Variants in RIN3 observed in about 807,000 individuals in gnomAD.
The protein encoded by RIN3 is Ras and Rab interactor 3.
RIN3 carries 54 observed loss-of-function variants against 76.3 expected under a neutral mutation model. That is an observed-to-expected ratio of 0.71 (90% CI 0.57 to 0.89). The LOEUF (loss-of-function observed/expected upper bound fraction) is 0.89. Among genes scored for constraint, RIN3 ranks in the 40% least tolerant of loss-of-function variants. The pLI is 0.00. For missense variants in RIN3, 1,256 were observed against 1,322.1 expected, an observed-to-expected ratio of 0.95 and a Z score of 0.78; for synonymous variants, 576 against 564.0, an observed-to-expected ratio of 1.02 and a Z score of -0.30.
At chr14:92,573,494 G>C (rs1046548393) in intron 2 of RIN3, among the ~76,000 whole-genome samples, 2 of 122 alleles carry the variant, frequency 0.016, no homozygotes, top group Non-Finnish European at 0.031. Context: ...GGTCACACGG[G>C]GGGCCGAAGT....
chr14:92,515,307 A>G (rs1192050887), intron 1 of RIN3: 1 of 694,956 alleles, frequency 1.4e-6, no homozygotes, highest in African/African-American at 1.8e-5. Flanking sequence ...CACACCCAAG[A>G]TGGCAGGGTG....
chr14:92,629,393 G>A (rs1284921521), intron 4 of RIN3, among the ~76,000 whole-genome samples: 1 of 152,200 alleles, frequency 6.6e-6, no homozygotes, highest in Non-Finnish European at 1.5e-5. Flanking sequence ...CACAGTGTGG[G>A]AGCAGGCCCA....
At chr14:92,607,569 ACT>A (rs1389493646) in intron 3 of RIN3, among the ~76,000 whole-genome samples, 2 of 152,196 alleles carry the variant, frequency 1.3e-5, no homozygotes, top group Non-Finnish European at 2.9e-5. Context: ...TGATGGCACT[ACT>A]GCACTCCAGC....
At chr14:92,563,633 A>G (rs972216901) in intron 2 of RIN3, among the ~76,000 whole-genome samples, 2 of 151,980 alleles carry the variant, frequency 1.3e-5, no homozygotes, top group African/African-American at 4.8e-5. Flanking sequence ...AAAGCTTTAA[A>G]AAAAACAGTG....
At chr14:92,587,150 T>C (rs1884807144) in intron 3 of RIN3, among the ~76,000 whole-genome samples, 2 of 152,216 alleles carry the variant, frequency 1.3e-5, no homozygotes, top group African/African-American at 4.8e-5. Flanking sequence ...GCAAAGGTTT[T>C]GAGCAGGAAG....
intron 1 of RIN3, among the ~76,000 whole-genome samples, chr14:92,520,397 A>G (rs374456361): frequency 2.3e-4 from 35 of 152,276 alleles, no homozygotes; most frequent in African/African-American, 7.9e-4. Flanking sequence ...CTTTGAGCCC[A>G]TCCTCGAGGG....
At position 92,651,885 on chromosome 14, in the gene RIN3, G is replaced by GCCCCCCCCCCCC; in HGVS notation, c.839_840insCCCCCCCCCCCC (p.Pro282_Pro285dup). The GCCCCCCCCCCCC allele has an allele frequency of 1.4e-6, 2 of 1,411,020 alleles. No homozygotes were observed. Among genetic ancestry groups the GCCCCCCCCCCCC allele is most frequent in the South Asian group, 1.2e-5 (1 of 80,126 alleles). The allele number at this position is 1,411,020 out of a possible 1,614,324, so 87.4% of individuals were successfully genotyped here. A position where few individuals can be genotyped will look rare whatever the true frequency, so the allele number is the denominator to read the frequency against. ...CCCACCTCCAGGTGGGCCCCACGCC[G>GCCCCCCCCCCCC]CCCACCACCCCCTCCCCCAGTGCTG... On this transcript the variant is annotated inframe_insertion, in exon 6 of 10. Coordinates refer to ENST00000216487, the MANE Select transcript of RIN3 (RefSeq NM_024832.5).
At chr14:92,633,923 A>G (rs1008305515) in intron 4 of RIN3, among the ~76,000 whole-genome samples, 2 of 151,880 alleles carry the variant, frequency 1.3e-5, no homozygotes, top group African/African-American at 4.8e-5. Flanking sequence ...TCATGATGTC[A>G]AAAGTATTTC....
intron 2 of RIN3, among the ~76,000 whole-genome samples, chr14:92,567,396 T>C (rs1018056876): frequency 3.3e-5 from 5 of 152,224 alleles, no homozygotes; most frequent in African/African-American, 1.2e-4. Flanking sequence ...TGGTCTTTTC[T>C]GGGGTCAGTC....
chr14:92,675,874 G>C (rs1457861429), intron 7 of RIN3, among the ~76,000 whole-genome samples: 1 of 152,188 alleles, frequency 6.6e-6, no homozygotes, highest in Non-Finnish European at 1.5e-5. Context: ...GTCTGTTGCT[G>C]TCAGGATGCT....
chr14:92,555,133 A>G (rs907252507), intron 1 of RIN3, among the ~76,000 whole-genome samples: 1 of 152,176 alleles, frequency 6.6e-6, no homozygotes, highest in Non-Finnish European at 1.5e-5. Flanking sequence ...ATATGTAAAA[A>G]TGTGGCTAGC....
chr14:92,629,624 C>T (rs989158367), intron 4 of RIN3, among the ~76,000 whole-genome samples: 2 of 152,210 alleles, frequency 1.3e-5, no homozygotes, highest in African/African-American at 2.4e-5. Context: ...TATTTTCCTG[C>T]CCCAGTAATA....
rs1361208909 is a variant in RIN3, at chr14:92,652,985, A to G, written c.1936A>G (p.Thr646Ala). ...SSTEMLQEIRTMMTQLKSYLL... is the reference protein window; with the variant it reads ...SSTEMLQEIRAMMTQLKSYLL... ...CACGGAGATGCTGCAGGAGATTCGC[A>G]CCATGATGACCCAGCTCAAGAGCTA... is the stretch of plus-strand genomic sequence containing the variant. The change falls in exon 6 of 10, where the codon ACC becomes GCC. Residue 646 changes from threonine to alanine, a missense_variant. By Grantham distance (58) the Thr-to-Ala change is moderately conservative. Around this residue, in one of 3 missense-constraint regions of RIN3, gnomAD observed 428 missense variants for 521.2 expected, o/e 0.82. Transcript: ENST00000216487. This position sits in a 1 kb window ranked among gnomAD's most constrained non-coding sequence, Gnocchi z 6.4. 21 of 1,613,210 alleles carry G rather than the reference A, an allele frequency of 1.3e-5. No homozygotes were observed. The highest frequency in any genetic ancestry group is 1.6e-5 in the Non-Finnish European group (19 of 1,180,022).
intron 2 of RIN3, among the ~76,000 whole-genome samples, chr14:92,575,048 A>G (rs2140056308): frequency 6.6e-6 from 1 of 152,330 alleles, no homozygotes; most frequent in South Asian, 2.1e-4. Flanking sequence ...GAGGAGAATT[A>G]AGTGAGATCA....
intron 1 of RIN3, among the ~76,000 whole-genome samples, chr14:92,534,994 C>T (rs745689006): frequency 2.0e-5 from 3 of 152,224 alleles, no homozygotes; most frequent in Non-Finnish European, 4.4e-5. Context: ...TTTCCACTCA[C>T]ACCTGCAGAA....
intron 1 of RIN3, among the ~76,000 whole-genome samples, chr14:92,554,616 C>A (rs1442345152): frequency 6.6e-6 from 1 of 152,156 alleles, no homozygotes; most frequent in East Asian, 1.9e-4. Flanking sequence ...TTTATTTAAC[C>A]TGACACATTT....
intron 1 of RIN3, among the ~76,000 whole-genome samples, chr14:92,554,936 A>T (rs922993406): frequency 2.0e-4 from 31 of 152,204 alleles, no homozygotes; most frequent in Non-Finnish European, 4.4e-5. Context: ...AAAAAATTAT[A>T]CTAACTTGTA....
intron 7 of RIN3, among the ~76,000 whole-genome samples, chr14:92,660,904 A>G (rs376911688): frequency 4.8e-4 from 73 of 152,346 alleles, no homozygotes; most frequent in African/African-American, 1.7e-3. Flanking sequence ...GCCCTTGTGC[A>G]GTGAGCAGAC....
intron 6 of RIN3, among the ~76,000 whole-genome samples, chr14:92,654,444 C>T (rs1232785143): frequency 6.6e-6 from 1 of 152,202 alleles, no homozygotes; most frequent in Non-Finnish European, 1.5e-5. Context: ...CCAGCCGTCC[C>T]CTGGCGTCCC....
Sources: allele counts gnomAD v4.1 joint callset (sites outside exome capture counted in the v4.1 genomes callset), GRCh38; gene constraint gnomAD v4.1.1; regional missense constraint gnomAD v4.1.1; non-coding constraint Gnocchi (gnomAD v3.1); transcripts MANE v1.5; gene names NCBI Gene and HGNC (gene_info 2026-07-23, HGNC 2026-07-21).